The following PCDH15 variants were observed in gnomAD, a reference collection of about 807,000 sequenced individuals.
PCDH15 encodes the protein protocadherin-15.
A neutral mutation model predicts 178.5 loss-of-function variants in PCDH15; 129 were observed. The ratio of observed to expected loss-of-function variants is 0.72; its 90% CI spans 0.63 to 0.84. PCDH15 has a LOEUF of 0.84. Ranked by LOEUF, PCDH15 falls within the 40% of genes least tolerant of loss-of-function variation. The pLI, the probability that PCDH15 is intolerant of heterozygous loss-of-function variation, is 0.00. For missense variants in PCDH15, 2,230 were observed against 2,099.9 expected, an observed-to-expected ratio of 1.06 and a Z score of -1.21; for synonymous variants, 800 against 732.0, an observed-to-expected ratio of 1.09 and a Z score of -1.50.
At chr10:55,518,217 G>C (rs1841067405) in intron 2 of PCDH15, among the ~76,000 whole-genome samples, 1 of 151,954 alleles carries the variant, frequency 6.6e-6, no homozygotes, top group Non-Finnish European at 1.5e-5. Context: ...CCTCTTTAAA[G>C]TCCCAATCAC....
At chr10:54,772,421 GA>G in intron 1 of PCDH15, among the ~76,000 whole-genome samples, 1 of 152,018 alleles carries the variant, frequency 6.6e-6, no homozygotes, top group Non-Finnish European at 1.5e-5. Flanking sequence ...TTATGGCTTG[GA>G]AAAATCACCT....
intron 18 of PCDH15, among the ~76,000 whole-genome samples, chr10:54,030,464 G>T (rs1197385681): frequency 6.6e-6 from 1 of 150,590 alleles, no homozygotes; most frequent in East Asian, 2.0e-4. Flanking sequence ...CATAATGCAG[G>T]TAAATTTTTT....
intron 20 of PCDH15, among the ~76,000 whole-genome samples, chr10:54,014,579 T>G (rs1429515051): frequency 6.6e-6 from 1 of 152,156 alleles, no homozygotes; most frequent in African/African-American, 2.4e-5. Context: ...AAGTAGGTTT[T>G]ATGCCTGGGA....
At chr10:54,072,365 T>G (rs1222826960) in intron 17 of PCDH15, among the ~76,000 whole-genome samples, 1 of 152,172 alleles carries the variant, frequency 6.6e-6, no homozygotes, top group Non-Finnish European at 1.5e-5. Context: ...CCAACTTCAT[T>G]CAGATTGTAG....
At chr10:55,292,207 C>T (rs1843024710) in intron 1 of PCDH15, among the ~76,000 whole-genome samples, 1 of 152,088 alleles carries the variant, frequency 6.6e-6, no homozygotes, top group African/African-American at 2.4e-5. Flanking sequence ...TGCCTATAAG[C>T]CTTAAAATCA....
chr10:54,027,291 G>A (rs1306342718), intron 18 of PCDH15, among the ~76,000 whole-genome samples: 1 of 149,302 alleles, frequency 6.7e-6, no homozygotes, highest in Non-Finnish European at 1.5e-5. Context: ...AAATAAAAGA[G>A]GATAGAAACA....
intron 2 of PCDH15, among the ~76,000 whole-genome samples, chr10:54,973,309 T>A (rs1838983887): frequency 6.6e-6 from 1 of 152,216 alleles, no homozygotes; most frequent in Admixed American, 6.5e-5. Context: ...TTTATAGATA[T>A]GGAAAATCAG....
intron 13 of PCDH15, among the ~76,000 whole-genome samples, chr10:54,180,494 A>G (rs1274624494): frequency 6.6e-6 from 1 of 152,124 alleles, no homozygotes; most frequent in African/African-American, 2.4e-5. Flanking sequence ...GCTCATTGTC[A>G]CTTTTGTTTC....
chr10:54,380,705 CATATATATATATATATATATATAT>C (rs58171476), intron 3 of PCDH15, among the ~76,000 whole-genome samples: 32 of 49,008 alleles, frequency 6.5e-4, no homozygotes, highest in South Asian at 2.5e-3. Flanking sequence ...ATATATGCTC[CATATATATATATATATATATATAT>C]ATATATATAT....
intron 2 of PCDH15, among the ~76,000 whole-genome samples, chr10:55,395,608 T>A (rs1033371720): frequency 2.0e-5 from 3 of 152,112 alleles, no homozygotes; most frequent in Non-Finnish European, 4.4e-5. Context: ...TTCTCTAGCC[T>A]ATAGAGTTTT....
At chr10:54,125,529 T>C (rs929347259) in intron 15 of PCDH15, among the ~76,000 whole-genome samples, 2 of 152,168 alleles carry the variant, frequency 1.3e-5, no homozygotes, top group African/African-American at 2.4e-5. Context: ...TACTTTGCTA[T>C]TGAAGGGATT....
At chr10:54,897,053 C>A (rs2131821663) in intron 3 of PCDH15, among the ~76,000 whole-genome samples, 1 of 152,280 alleles carries the variant, frequency 6.6e-6, no homozygotes, top group South Asian at 2.1e-4. Flanking sequence ...TTCCCATGGT[C>A]TTGCTCCTGT....
At chr10:54,838,447 A>G (rs1035255685) in intron 3 of PCDH15, among the ~76,000 whole-genome samples, 17 of 152,098 alleles carry the variant, frequency 1.1e-4, no homozygotes, top group African/African-American at 4.1e-4. Context: ...ATCTTCTGCC[A>G]TGATTGTAAA....
chr10:55,325,422 A>G (rs747341084), intron 2 of PCDH15, among the ~76,000 whole-genome samples: 1 of 152,128 alleles, frequency 6.6e-6, no homozygotes, highest in Non-Finnish European at 1.5e-5. Context: ...CTGAACCCCC[A>G]TGATCATCAG....
In PCDH15 at chr10:55,582,617, TATA is replaced by T. The variant is rs1428701259; in HGVS notation, c.-156+45005_-156+45007del. Reference sequence around the variant, plus strand: ...ATGTGTATATATATATATATATATATATATATATATATTTTTTTTTTTTTGCTA... The same window carrying T: ...ATGTGTATATATATATATATATATATTATATATATTTTTTTTTTTTTGCTA... On this transcript the variant is annotated intron_variant, in intron 2 of 5. Transcript: ENST00000613346. Among the ~76,000 whole-genome samples the T allele has an allele frequency of 4.8e-4, 48 of 99,102 alleles. 1 individual carries two copies. The highest frequency in any genetic ancestry group is 5.2e-3 in the Middle Eastern group (1 of 192). The allele number at this position is 99,102 out of a possible 152,430, so 65.0% of individuals were successfully genotyped here.
rs531733552 is a variant in PCDH15 at position 54,189,919 on chromosome 10, A to ATGTGTGTG, written c.1306-4652_1306-4651insCACACACA. 6.4e-3 allele frequency among the ~76,000 whole-genome samples: 700 copies of ATGTGTGTG among 108,804 alleles called. 10 individuals carry two copies. The highest frequency in any genetic ancestry group is 0.018 in the African/African-American group (567 of 31,494). 71.4% of individuals were successfully genotyped at this position (108,804 alleles called of 152,430 possible). On this transcript the variant is annotated intron_variant, in intron 11 of 37. Coordinates refer to ENST00000644397, the MANE Select transcript of PCDH15 (RefSeq NM_001384140.1). ...ATATGGTTCATATATGTATACATGC[A>ATGTGTGTG]TGTGTATGTGTGTGTGTGTGTGTGT...
intron 17 of PCDH15, among the ~76,000 whole-genome samples, chr10:54,075,527 T>G (rs187787413): frequency 6.6e-6 from 1 of 152,332 alleles, no homozygotes; most frequent in East Asian, 1.9e-4. Context: ...TTGTCTATTT[T>G]TTGTTGTTGT....
At chr10:55,389,624 A>G (rs769108281) in intron 2 of PCDH15, among the ~76,000 whole-genome samples, 11 of 152,146 alleles carry the variant, frequency 7.2e-5, no homozygotes, top group Non-Finnish European at 1.0e-4. Context: ...CTGCAATTCT[A>G]GAGTGACAAT....
At chr10:54,483,481 T>G (rs1283354516) in intron 3 of PCDH15, among the ~76,000 whole-genome samples, 2 of 151,906 alleles carry the variant, frequency 1.3e-5, no homozygotes, top group African/African-American at 4.8e-5. Context: ...TTAGATAATG[T>G]CAGCTCCTAA....
Sources: gnomAD v4.1 joint callset for allele counts (sites outside exome capture counted in the v4.1 genomes callset) on GRCh38, gnomAD v4.1.1 for gene constraint, MANE v1.5 for transcripts, NCBI Gene and HGNC (gene_info 2026-07-23, HGNC 2026-07-21) for gene names.